Variants in LTBP1 observed in about 807,000 individuals in gnomAD.
LTBP1 encodes the protein latent-transforming growth factor beta-binding protein 1.
Under a neutral mutation model 207.6 loss-of-function variants are expected in LTBP1, and 129 were observed. The observed-to-expected ratio is 0.62, with a 90% CI of 0.54 to 0.72. The LOEUF is 0.72. Among genes scored for constraint, LTBP1 ranks in the 30% least tolerant of loss-of-function variants. LTBP1 has a pLI of 0.00. For synonymous variants in LTBP1, 963 were observed against 833.7 expected, an observed-to-expected ratio of 1.16 and a Z score of -2.67; for missense variants, 2,281 against 2,217.2, an observed-to-expected ratio of 1.03 and a Z score of -0.58.
At chr2:33,295,218 A>G (rs1046943269) in intron 20 of LTBP1, among the ~76,000 whole-genome samples, 6 of 152,036 alleles carry the variant, frequency 3.9e-5, no homozygotes, top group Non-Finnish European at 8.8e-5. Flanking sequence ...TAATCAATGT[A>G]TACGAACTCT....
intron 25 of LTBP1, among the ~76,000 whole-genome samples, chr2:33,344,188 A>G (rs775649346): frequency 6.6e-6 from 1 of 152,240 alleles, no homozygotes; most frequent in African/African-American, 2.4e-5. Context: ...GTGTGGTTTC[A>G]TGCATAAGCA....
At chr2:33,061,347 T>C (rs548626519) in intron 3 of LTBP1, 1 of 152,238 alleles carries the variant, frequency 6.6e-6, no homozygotes, top group African/African-American at 2.4e-5. Context: ...AAGGTAAAAT[T>C]TACAGTGTAC....
chr2:33,286,778 G>T (rs550599578), intron 19 of LTBP1, among the ~76,000 whole-genome samples: 2 of 147,378 alleles, frequency 1.4e-5, no homozygotes, highest in Non-Finnish European at 3.0e-5. Context: ...CATGTCCTTT[G>T]TAGGGACAGG....
intron 31 of LTBP1, among the ~76,000 whole-genome samples, chr2:33,384,383 G>A (rs189206644): frequency 2.4e-4 from 36 of 152,282 alleles, no homozygotes; most frequent in Non-Finnish European, 3.8e-4. Context: ...CTTGGGGCAT[G>A]GGGAATGCAG....
intron 3 of LTBP1, among the ~76,000 whole-genome samples, chr2:33,091,176 G>A (rs752159968): frequency 3.9e-5 from 6 of 152,158 alleles, no homozygotes; most frequent in Non-Finnish European, 5.9e-5. Flanking sequence ...GTATGTGTGT[G>A]CATGCAATGT....
intron 24 of LTBP1, among the ~76,000 whole-genome samples, chr2:33,340,288 G>A (rs904946264): frequency 1.6e-4 from 24 of 149,284 alleles, no homozygotes; most frequent in Middle Eastern, 3.5e-3. Flanking sequence ...AAAGTGCTCC[G>A]TAGAAGAATC....
chr2:33,084,595 C>T (rs1043269919), intron 3 of LTBP1, among the ~76,000 whole-genome samples: 1 of 152,152 alleles, frequency 6.6e-6, no homozygotes, highest in African/African-American at 2.4e-5. Flanking sequence ...GGTTACATCC[C>T]TTACAGTCCG....
rs369469378 is a variant in LTBP1, at chr2:33,388,066, C to G, written c.4712-1118C>G. Among the ~76,000 whole-genome samples, 63 of 152,280 alleles carry G rather than the reference C, an allele frequency of 4.1e-4. No homozygotes were observed. In the South Asian group the frequency reaches 0.012, roughly 29 times the overall value. On this transcript the variant is annotated intron_variant, in intron 31 of 33. Coordinates refer to ENST00000404816, the MANE Select transcript of LTBP1 (RefSeq NM_206943.4). ...AACATACTCAGAACATGAGGCTGTCCTTTCTACAGCTTTCCTCCCTAGACC... is the reference window on the plus strand; with the variant it reads ...AACATACTCAGAACATGAGGCTGTCGTTTCTACAGCTTTCCTCCCTAGACC...
intron 3 of LTBP1, among the ~76,000 whole-genome samples, chr2:33,074,762 CG>C (rs1216111960): frequency 6.6e-6 from 1 of 151,118 alleles, no homozygotes; most frequent in African/African-American, 2.5e-5. Flanking sequence ...CCCTGCTAGT[CG>C]GGAGGCTGAG....
At chr2:33,112,066 A>G (rs2080443794) in intron 4 of LTBP1, among the ~76,000 whole-genome samples, 1 of 152,190 alleles carries the variant, frequency 6.6e-6, no homozygotes, top group South Asian at 2.1e-4. Flanking sequence ...GGGGTTTTAT[A>G]CAGATGACAA....
At chr2:33,087,574 T>A (rs1277570833) in intron 3 of LTBP1, among the ~76,000 whole-genome samples, 1 of 152,174 alleles carries the variant, frequency 6.6e-6, no homozygotes, top group Non-Finnish European at 1.5e-5. Flanking sequence ...AGGCCAGAAA[T>A]CTCTGATTTT....
intron 2 of LTBP1, among the ~76,000 whole-genome samples, chr2:32,952,884 A>G (rs1419899914): frequency 2.0e-5 from 3 of 152,212 alleles, no homozygotes; most frequent in Non-Finnish European, 4.4e-5. Context: ...TACGAATCCA[A>G]AGCGGGTGCC....
At chr2:33,343,842 C>T (rs983906684) in intron 25 of LTBP1, among the ~76,000 whole-genome samples, 4 of 152,108 alleles carry the variant, frequency 2.6e-5, no homozygotes, top group East Asian at 1.9e-4. Context: ...GATTTCTTCA[C>T]GTCAAACTCA....
chr2:33,224,408 A>G (rs1023979212), intron 9 of LTBP1, among the ~76,000 whole-genome samples: 7 of 152,132 alleles, frequency 4.6e-5, no homozygotes, highest in African/African-American at 9.7e-5. Context: ...TAAAATATAC[A>G]TATGTTCTCT....
chr2:33,154,452 T>G (rs2083787360), intron 5 of LTBP1, among the ~76,000 whole-genome samples: 1 of 152,204 alleles, frequency 6.6e-6, no homozygotes, highest in African/African-American at 2.4e-5. Context: ...TCCTTGAAAC[T>G]GCTAGAATAT....
chr2:33,243,855 TACTC>T, intron 10 of LTBP1, 71 bp downstream of exon 10: 1 of 1,554,288 alleles, frequency 6.4e-7, no homozygotes, highest in Non-Finnish European at 8.8e-7. Flanking sequence ...AGAACGGAAA[TACTC>T]AGTGGCCAAC....
rs2078468929 is a variant in LTBP1, at chr2:33,082,431, A to AATTTTTTTTTTTTTTTTTTTTTTTTTTTT, written c.864-28151_864-28150insATTTTTTTTTTTTTTTTTTTTTTTTTTTT. On this transcript the variant is annotated intron_variant, in intron 3 of 33. Transcript: ENST00000404816. ...GTTAACCGTGGCTAAAGTATGACTC[A>AATTTTTTTTTTTTTTTTTTTTTTTTTTTT]CTTTTTTTTTTTTTTTTTTTTTTTT... 1.7e-5 allele frequency among the ~76,000 whole-genome samples: 2 copies of AATTTTTTTTTTTTTTTTTTTTTTTTTTTT among 116,044 alleles called. 1 individual carries two copies. The allele number at this position is 116,044 out of a possible 152,430, so 76.1% of individuals were successfully genotyped here. A position where few individuals can be genotyped will look rare whatever the true frequency, so the allele number is the denominator to read the frequency against.
chr2:33,223,846 A>G (rs2149451190), intron 9 of LTBP1, among the ~76,000 whole-genome samples: 1 of 152,332 alleles, frequency 6.6e-6, no homozygotes, highest in East Asian at 1.9e-4. Flanking sequence ...GCAGAAGTAC[A>G]GACTGAAGAG....
intron 31 of LTBP1, among the ~76,000 whole-genome samples, chr2:33,376,512 CT>C (rs1407337695): frequency 1.3e-5 from 2 of 152,206 alleles, no homozygotes; most frequent in African/African-American, 4.8e-5. Flanking sequence ...GACTTGGGAC[CT>C]GCATCCTCTC....
Sources: gnomAD v4.1 joint callset for allele counts (sites outside exome capture counted in the v4.1 genomes callset) on GRCh38, gnomAD v4.1.1 for gene constraint, MANE v1.5 for transcripts, NCBI Gene and HGNC (gene_info 2026-07-23, HGNC 2026-07-21) for gene names.